ERLEC1: variants seen among roughly 807,000 people sequenced by gnomAD.
The protein encoded by ERLEC1 is endoplasmic reticulum lectin 1.
A neutral mutation model predicts 68.0 loss-of-function variants in ERLEC1; 47 were observed. The ratio of observed to expected loss-of-function variants is 0.69; its 90% CI spans 0.55 to 0.88. The LOEUF (loss-of-function observed/expected upper bound fraction) is 0.88. Among genes scored for constraint, ERLEC1 ranks in the 40% least tolerant of loss-of-function variants. The pLI, the probability that ERLEC1 is intolerant of heterozygous loss-of-function variation, is 0.00. For synonymous variants in ERLEC1, 225 were observed against 203.2 expected (o/e 1.11, Z -0.91); for missense variants, 567 against 583.8 (o/e 0.97, Z 0.30).
intron 13 of ERLEC1, 81 bp from the exon 14 acceptor site, chr2:53,817,817 C>A (rs1208025818): frequency 2.6e-6 from 2 of 774,300 alleles, no homozygotes; most frequent in Non-Finnish European, 2.3e-6. Context: ...GCAAATATAA[C>A]TACATGTATC....
chr2:53,798,930 A>C, intron 5 of ERLEC1, 117 bp from the exon 6 acceptor site: 7 of 679,542 alleles, frequency 1.0e-5, no homozygotes, highest in Non-Finnish European at 1.7e-5. Flanking sequence ...TAAAAATCAT[A>C]TGTGTTTTGG....
At chr2:53,800,126 C>T (rs899913199) in intron 6 of ERLEC1, among the ~76,000 whole-genome samples, 7 of 152,078 alleles carry the variant, frequency 4.6e-5, no homozygotes, top group African/African-American at 9.7e-5. Flanking sequence ...TATGTGGTTA[C>T]GTGATTTTAT....
chr2:53,791,058 A>G (rs1675367138), intron 1 of ERLEC1, among the ~76,000 whole-genome samples: 1 of 152,246 alleles, frequency 6.6e-6, no homozygotes, highest in Non-Finnish European at 1.5e-5. Flanking sequence ...CATGGTTTAT[A>G]GCATGTCATA....
chr2:53,806,600 G>A (rs1279886436), intron 8 of ERLEC1, among the ~76,000 whole-genome samples: 1 of 152,122 alleles, frequency 6.6e-6, no homozygotes, highest in Non-Finnish European at 1.5e-5. Flanking sequence ...ACAGCATCTT[G>A]ACAGTCCTTG....
chr2:53,818,097 C>A lies in ERLEC1; in HGVS notation c.*128C>A. ...AGGATGGTATAAAATGACTCTCAAC[C>A]ACTTTGTGAATACATATGTGTATAT... On this transcript the variant is annotated 3_prime_UTR_variant, in exon 14 of 14. Coordinates refer to ENST00000185150, the MANE Select transcript of ERLEC1 (RefSeq NM_015701.5). The A allele has an allele frequency of 1.6e-6, 1 of 633,002 alleles. No individual in the cohort carries two copies. The highest frequency in any genetic ancestry group is 2.7e-5 in the East Asian group (1 of 37,554). 39.2% of individuals were successfully genotyped at this position (633,002 alleles called of 1,614,324 possible).
At chr2:53,795,897 A>T in intron 2 of ERLEC1, 36 bp from the exon 3 acceptor site, 1 of 1,408,260 alleles carries the variant, frequency 7.1e-7, no homozygotes, top group Non-Finnish European at 9.9e-7. Flanking sequence ...GAAATTCTAG[A>T]AAAACTGTAA....
intron 6 of ERLEC1, among the ~76,000 whole-genome samples, chr2:53,801,138 A>G (rs1207053644): frequency 6.6e-6 from 1 of 152,188 alleles, no homozygotes; most frequent in East Asian, 1.9e-4. Flanking sequence ...ATATAAATGT[A>G]CATTTACTTA....
chr2:53,790,015 C>CAAAAAAA, intron 1 of ERLEC1, among the ~76,000 whole-genome samples: 1 of 85,964 alleles, frequency 1.2e-5, no homozygotes, highest in African/African-American at 4.4e-5. Flanking sequence ...GAGTCTGTCT[C>CAAAAAAA]AAAAAAAAAA....
At chr2:53,809,906 A>G (rs1165007895) in intron 10 of ERLEC1, among the ~76,000 whole-genome samples, 1 of 151,968 alleles carries the variant, frequency 6.6e-6, no homozygotes, top group East Asian at 1.9e-4. Flanking sequence ...TAAAAATACA[A>G]AAATTAGCCA....
intron 1 of ERLEC1, among the ~76,000 whole-genome samples, chr2:53,789,645 A>G (rs1464484603): frequency 1.3e-5 from 2 of 152,264 alleles, no homozygotes; most frequent in South Asian, 2.1e-4. Flanking sequence ...TTATGTAAAA[A>G]TAAGCCACAA....
chr2:53,814,567 T>C lies in ERLEC1; in HGVS notation c.1251T>C (p.Asn417=). The C allele has an allele frequency of 6.2e-7, 1 of 1,611,744 alleles. No individual in the cohort carries two copies. The highest frequency in any genetic ancestry group is 8.5e-7 in the Non-Finnish European group (1 of 1,178,628). The change falls in exon 12 of 14, where the codon AAT becomes AAC. Residue 417 remains asparagine (N), a synonymous_variant. Coordinates refer to ENST00000185150, the MANE Select transcript of ERLEC1 (RefSeq NM_015701.5). ...TVRMVSHFYG[N]GDICDITDKP... ...GGATGGTGTCACATTTTTATGGAAA[T>C]GGAGATATTTGTGATATAACTGACA...
chr2:53,808,280 C>A lies in ERLEC1; in HGVS notation c.880-19C>A. 1 of 1,609,758 alleles carries A rather than the reference C, an allele frequency of 6.2e-7. No homozygotes were observed. Reference sequence around the variant, plus strand: ...TAAGTTTGGCATGGAAACCCTTAAACGTGTGTGTTTAATTTTAGGAAGATT... The same window carrying A: ...TAAGTTTGGCATGGAAACCCTTAAAAGTGTGTGTTTAATTTTAGGAAGATT... On this transcript the variant is annotated intron_variant, in intron 8 of 13. Transcript: ENST00000185150.
chr2:53,814,976 C>T (rs1230853734), intron 13 of ERLEC1, 41 bp downstream of exon 13: 5 of 1,110,326 alleles, frequency 4.5e-6, no homozygotes, highest in East Asian at 2.5e-5. Context: ...CATTTTGAGC[C>T]ATGTTTTAAT....
intron 5 of ERLEC1, among the ~76,000 whole-genome samples, chr2:53,798,498 G>A (rs886571574): frequency 1.3e-5 from 2 of 151,712 alleles, no homozygotes; most frequent in Admixed American, 1.3e-4. Flanking sequence ...TGGCTCAGGC[G>A]ATCCCCCTAC....
chr2:53,803,596 CAAAAA>C (rs55851874), intron 8 of ERLEC1, among the ~76,000 whole-genome samples: 1 of 108,794 alleles, frequency 9.2e-6, no homozygotes. Context: ...CCTGTCTCTA[CAAAAA>C]AAAAAAAAAA....
chr2:53,801,955 C>G, intron 8 of ERLEC1, 113 bp downstream of exon 8: 1 of 822,754 alleles, frequency 1.2e-6, no homozygotes, highest in Non-Finnish European at 1.9e-6. Flanking sequence ...ATTTTACTGG[C>G]CCAACCTTTT....
rs542446690 is a variant in ERLEC1, at chr2:53,789,280, G to C, written c.162+1908G>C. On this transcript the variant is annotated intron_variant, in intron 1 of 13. Coordinates refer to ENST00000185150, the MANE Select transcript of ERLEC1 (RefSeq NM_015701.5). ...GTGGTGGTGCACACCAGTGCTCCCA[G>C]CTACTTGGGAGGCCGAGGCAGGAGA... Among the ~76,000 whole-genome samples, 39 of 151,126 alleles carry C rather than the reference G, an allele frequency of 2.6e-4. No homozygotes were observed. The South Asian group carries it at 7.5e-3, about 29-fold the overall frequency.
intron 5 of ERLEC1, among the ~76,000 whole-genome samples, 200 bp from the exon 6 acceptor site, chr2:53,798,847 C>T (rs373759288): frequency 6.6e-6 from 1 of 151,824 alleles, no homozygotes; most frequent in Non-Finnish European, 1.5e-5. Context: ...TAGAGTATTT[C>T]CTGGGTAAAG....
Position 53,812,610 on chromosome 2 carries a change from G to A in ERLEC1, c.1102-339G>A, listed in dbSNP as rs77197828. ...ACTCTTGGTTGTGGGGTGAGTTGCT[G>A]GCAGTGAAAAAGTAGAGGAAGAGTC... On this transcript the variant is annotated intron_variant, in intron 10 of 13. Transcript: ENST00000185150. 7.7e-3 allele frequency among the ~76,000 whole-genome samples: 1,175 copies of A among 152,158 alleles called. 8 individuals carry two copies. The highest frequency in any genetic ancestry group is 0.011 in the Non-Finnish European group (760 of 68,008).
Sources: allele counts gnomAD v4.1 joint callset (sites outside exome capture counted in the v4.1 genomes callset), GRCh38; gene constraint gnomAD v4.1.1; transcripts MANE v1.5; gene names NCBI Gene and HGNC (gene_info 2026-07-23, HGNC 2026-07-21).